The following NAV2 variants were observed in gnomAD, a reference collection of about 807,000 sequenced individuals.
NAV2 encodes the protein helicase, APC down-regulated 1.
NAV2 carries 54 observed loss-of-function variants against 223.2 expected under a neutral mutation model. The ratio of observed to expected loss-of-function variants is 0.24; its 90% confidence interval spans 0.19 to 0.30. The LOEUF is 0.30. Ranked by LOEUF, NAV2 falls within the 10% of genes least tolerant of loss-of-function variation. The pLI, the probability that NAV2 is intolerant of heterozygous loss-of-function variation, is 1.00. For synonymous variants in NAV2, 1,279 were observed against 1,239.3 expected (o/e 1.03, Z -0.67); for missense variants, 2,806 against 3,147.5 (o/e 0.89, Z 2.60).
chr11:20,065,538 T>C (rs2058988758), intron 20 of NAV2, among the ~76,000 whole-genome samples: 1 of 152,248 alleles, frequency 6.6e-6, no homozygotes, highest in Non-Finnish European at 1.5e-5. Flanking sequence ...TAGGGAACAC[T>C]GGAGTTCCCA....
chr11:19,445,622 T>C (rs1647766827), intron 1 of NAV2, among the ~76,000 whole-genome samples: 1 of 152,184 alleles, frequency 6.6e-6, no homozygotes, highest in Non-Finnish European at 1.5e-5. Flanking sequence ...CCAAGGGTAA[T>C]TCAGCAGAAT....
At chr11:19,600,852 TA>T (rs2046332893) in intron 1 of NAV2, among the ~76,000 whole-genome samples, 1 of 152,244 alleles carries the variant, frequency 6.6e-6, no homozygotes, top group Non-Finnish European at 1.5e-5. Context: ...CTGAAGGTTT[TA>T]TAGCCAGCAA....
chr11:19,448,849 A>G (rs1377453935), intron 1 of NAV2, among the ~76,000 whole-genome samples: 2 of 152,164 alleles, frequency 1.3e-5, no homozygotes, highest in Non-Finnish European at 2.9e-5. Context: ...TTTGGCAATG[A>G]AGTTATGGTC....
At chr11:19,924,264 G>A (rs556344936) in intron 6 of NAV2, among the ~76,000 whole-genome samples, 22 of 149,168 alleles carry the variant, frequency 1.5e-4, no homozygotes, top group African/African-American at 5.2e-4. Flanking sequence ...AGAAAATGTA[G>A]TGAAAACTAC....
At chr11:20,058,799 A>ATTGAAGTGAAGATTAGGTGAGATG in intron 19 of NAV2, among the ~76,000 whole-genome samples, 1 of 152,218 alleles carries the variant, frequency 6.6e-6, no homozygotes, top group South Asian at 2.1e-4. Flanking sequence ...GCTTTGGAAA[A>ATTGAAGTGAAGATTAGGTGAGATG]TTGAAGTGAA....
intron 5 of NAV2, among the ~76,000 whole-genome samples, chr11:19,889,162 CT>C (rs1256331737): frequency 6.6e-6 from 1 of 152,172 alleles, no homozygotes; most frequent in Non-Finnish European, 1.5e-5. Flanking sequence ...TGTGGATGGA[CT>C]CATCATCCCA....
At position 20,092,361 on chromosome 11, in the gene NAV2, C is replaced by G. The variant is rs753554620; in HGVS notation, c.5808C>G (p.Thr1936=). The G allele has an allele frequency of 4.3e-6, 7 of 1,612,400 alleles. No individual in the cohort carries two copies. In the South Asian group the frequency reaches 7.7e-5, roughly 18 times the overall value. Residue 1936 remains threonine (T), a synonymous_variant, in exon 28 of 38, where the codon ACC becomes ACG. Transcript: ENST00000349880. ...SQHSLNLTES[T]SLDMLLDDTG... ...ACAGCTTGAACCTCACTGAGTCAAC[C>G]AGCCTGGGTGAGTGGCCTACAGGGT...
At chr11:19,994,541 T>A (rs1449501488) in intron 11 of NAV2, among the ~76,000 whole-genome samples, 2 of 129,340 alleles carry the variant, frequency 1.5e-5, no homozygotes, top group African/African-American at 6.0e-5. Context: ...AGCAAAAAAC[T>A]CTGTCTCAAA....
chr11:19,417,736 C>T (rs764795297), intron 1 of NAV2, among the ~76,000 whole-genome samples: 12 of 152,044 alleles, frequency 7.9e-5, no homozygotes, highest in Non-Finnish European at 8.8e-5. Flanking sequence ...ATAAAGACAA[C>T]GTGACACATA....
intron 1 of NAV2, among the ~76,000 whole-genome samples, chr11:19,786,003 A>G (rs754129910): frequency 6.6e-6 from 1 of 152,214 alleles, no homozygotes; most frequent in Non-Finnish European, 1.5e-5. Flanking sequence ...AGGAGGGAAA[A>G]GGTTCTGTTT....
intron 37 of NAV2, among the ~76,000 whole-genome samples, chr11:20,117,668 C>T (rs1381272719): frequency 6.6e-6 from 1 of 152,044 alleles, no homozygotes; most frequent in African/African-American, 2.4e-5. Context: ...GGAGGGGGTC[C>T]ATGTGCTTCC....
At chr11:20,111,479 G>A (rs1335296739) in intron 36 of NAV2, among the ~76,000 whole-genome samples, 1 of 152,246 alleles carries the variant, frequency 6.6e-6, no homozygotes, top group East Asian at 1.9e-4. Flanking sequence ...CCAGTGACAA[G>A]TGAGGAGGCT....
At chr11:19,801,451 G>T (rs1378463778) in intron 1 of NAV2, among the ~76,000 whole-genome samples, 1 of 152,230 alleles carries the variant, frequency 6.6e-6, no homozygotes, top group African/African-American at 2.4e-5. Context: ...GATACAAAGT[G>T]TGTCCTCACT....
At chr11:19,419,304 C>A (rs1850512573) in intron 1 of NAV2, among the ~76,000 whole-genome samples, 1 of 152,202 alleles carries the variant, frequency 6.6e-6, no homozygotes, top group Admixed American at 6.5e-5. Context: ...GCAGGTGAGC[C>A]TCATCAAAAG....
intron 1 of NAV2, among the ~76,000 whole-genome samples, chr11:19,627,745 A>G (rs1318876803): frequency 2.0e-5 from 3 of 151,954 alleles, no homozygotes; most frequent in East Asian, 1.9e-4. Flanking sequence ...TCAGTCTCCC[A>G]TCTATGCACT....
chr11:19,674,321 C>A (rs1175738599), intron 1 of NAV2, among the ~76,000 whole-genome samples: 1 of 152,196 alleles, frequency 6.6e-6, no homozygotes, highest in East Asian at 1.9e-4. Context: ...GACGGGAGGG[C>A]GCGCTCTCAA....
At chr11:19,687,892 C>A (rs1276066700) in intron 1 of NAV2, among the ~76,000 whole-genome samples, 1 of 152,132 alleles carries the variant, frequency 6.6e-6, no homozygotes, top group Non-Finnish European at 1.5e-5. Flanking sequence ...TAGGACAGGT[C>A]TCATTGAGAA....
chr11:19,454,101 C>T (rs2729864), intron 1 of NAV2, among the ~76,000 whole-genome samples: 1,674 of 152,276 alleles, frequency 0.011, 32 homozygotes, highest in African/African-American at 0.039. Flanking sequence ...AAAGTGAACA[C>T]TCCCCGTCCC....
intron 1 of NAV2, among the ~76,000 whole-genome samples, chr11:19,660,347 C>T (rs369140435): frequency 3.3e-5 from 5 of 152,178 alleles, no homozygotes; most frequent in African/African-American, 7.2e-5. Flanking sequence ...TTTCTTTTCT[C>T]GTGTGACTCA....
Sources: allele counts gnomAD v4.1 joint callset (sites outside exome capture counted in the v4.1 genomes callset), GRCh38; gene constraint gnomAD v4.1.1; transcripts MANE v1.5; gene names NCBI Gene and HGNC (gene_info 2026-07-23, HGNC 2026-07-21).